DSE: variants seen among roughly 807,000 people sequenced by gnomAD.
DSE encodes dermatan-sulfate epimerase.
DSE carries 36 observed loss-of-function variants against 84.4 expected under a neutral mutation model. The ratio of observed to expected loss-of-function variants is 0.43; its 90% CI spans 0.33 to 0.56. The LOEUF is 0.56. Ranked by LOEUF, DSE falls within the 20% of genes least tolerant of loss-of-function variation. The pLI is 0.06. For synonymous variants in DSE, 410 were observed against 430.1 expected, an observed-to-expected ratio of 0.95 and a Z score of 0.58; for missense variants, 862 against 1,169.6, an observed-to-expected ratio of 0.74 and a Z score of 3.84.
chr6:116,284,447 C>T (rs1773741368), intron 2 of DSE, among the ~76,000 whole-genome samples: 2 of 152,068 alleles, frequency 1.3e-5, no homozygotes, highest in Admixed American at 6.6e-5. Flanking sequence ...ACCCATGATT[C>T]GAACCCAGAA....
At chr6:116,369,907 A>G, upstream of DSE, 2 of 1,289,340 alleles carry the variant, frequency 1.6e-6, no homozygotes, top group Non-Finnish European at 2.0e-6. Flanking sequence ...CCAGTAAAAT[A>G]TCTCTCATTC....
intron 2 of DSE, chr6:116,401,115 G>A (rs749766663): frequency 1.3e-5 from 2 of 152,076 alleles, no homozygotes; most frequent in African/African-American, 4.8e-5. Context: ...ATTTTTGATG[G>A]AGATTGTTTA....
chr6:116,279,409 G>A, intron 2 of DSE: 3 of 1,613,248 alleles, frequency 1.9e-6, no homozygotes, highest in Non-Finnish European at 2.5e-6. Flanking sequence ...CAGCTCAGAC[G>A]CGGATCTCTG....
intron 1 of DSE, among the ~76,000 whole-genome samples, chr6:116,389,716 T>G (rs1357926750): frequency 6.6e-6 from 1 of 152,244 alleles, no homozygotes; most frequent in Non-Finnish European, 1.5e-5. Flanking sequence ...CTATACTTTA[T>G]TTTTTAGTCA....
At chr6:116,409,122 G>A (rs2115018567) in intron 2 of DSE, among the ~76,000 whole-genome samples, 1 of 152,258 alleles carries the variant, frequency 6.6e-6, no homozygotes, top group African/African-American at 2.4e-5. Context: ...ATTAGTTAAT[G>A]AAACAGTACA....
intron 2 of DSE, among the ~76,000 whole-genome samples, chr6:116,327,129 GA>G (rs536761465): frequency 2.0e-5 from 3 of 152,142 alleles, no homozygotes; most frequent in African/African-American, 7.2e-5. Context: ...AGTAAAGAGA[GA>G]AAAAACAGGA....
chr6:116,304,270 T>C (rs937883890), intron 2 of DSE, among the ~76,000 whole-genome samples: 3 of 152,198 alleles, frequency 2.0e-5, no homozygotes, highest in African/African-American at 7.2e-5. Context: ...AAAATATTCA[T>C]TTAAAGGAAT....
upstream of DSE, chr6:116,366,263 T>C (rs1779160158): frequency 6.6e-6 from 1 of 152,210 alleles, no homozygotes; most frequent in Admixed American, 6.5e-5. Context: ...TTCAAAGTCC[T>C]TGCTCTTATT....
chr6:116,414,395 G>A (rs551285915), intron 2 of DSE, among the ~76,000 whole-genome samples: 1 of 148,970 alleles, frequency 6.7e-6, no homozygotes, highest in Admixed American at 6.8e-5. Context: ...TAATTTTAAT[G>A]AGTGGAATAT....
intron 2 of DSE, among the ~76,000 whole-genome samples, chr6:116,311,129 C>A (rs1310974726): frequency 6.6e-6 from 1 of 152,204 alleles, no homozygotes; most frequent in Non-Finnish European, 1.5e-5. Context: ...TCAAATGCCA[C>A]CTCTTCAAAG....
At chr6:116,281,001 C>A (rs1339054068) in intron 2 of DSE, among the ~76,000 whole-genome samples, 1 of 152,174 alleles carries the variant, frequency 6.6e-6, no homozygotes, top group Non-Finnish European at 1.5e-5. Context: ...GCCAAAGGGA[C>A]TTCGCAGATA....
intron 2 of DSE, among the ~76,000 whole-genome samples, chr6:116,275,380 A>T (rs6568926): frequency 0.33 from 50,969 of 152,200 alleles, 9,140 homozygotes; most frequent in East Asian, 0.65. Flanking sequence ...TAGGAATGGC[A>T]TTGCAAATCT....
chr6:116,408,624 C>T (rs1462668298), intron 2 of DSE, among the ~76,000 whole-genome samples: 3 of 152,114 alleles, frequency 2.0e-5, no homozygotes, highest in East Asian at 1.9e-4. Flanking sequence ...TGTCATCAGC[C>T]GTTTGTCTGT....
intron 1 of DSE, among the ~76,000 whole-genome samples, chr6:116,383,694 C>T (rs1049322287): frequency 6.6e-6 from 1 of 152,148 alleles, no homozygotes; most frequent in African/African-American, 2.4e-5. Context: ...ATTCATCTTC[C>T]TTACAGTCCT....
chr6:116,293,209 A>G (rs1358484039), intron 2 of DSE, among the ~76,000 whole-genome samples: 2 of 152,208 alleles, frequency 1.3e-5, no homozygotes, highest in Non-Finnish European at 2.9e-5. Context: ...TTAAAGCTGA[A>G]GCAAAAACAT....
chr6:116,370,984 G>T lies in DSE; in HGVS notation c.-191G>T. The T allele has an allele frequency of 1.0e-6, 1 of 985,650 alleles. No homozygotes were observed. The highest frequency in any genetic ancestry group is 1.2e-6 in the Non-Finnish European group (1 of 830,138). The allele number at this position is 985,650 out of a possible 1,614,324, so 61.1% of individuals were successfully genotyped here. A position where few individuals can be genotyped will look rare whatever the true frequency, so the allele number is the denominator to read the frequency against. On this transcript the variant is annotated 5_prime_UTR_variant, in exon 1 of 6. Coordinates refer to ENST00000644252, the MANE Select transcript of DSE (RefSeq NM_013352.4). ...CGAGGCTGCAGCAGCGCATCCCGGG[G>T]CATGGCGCGGCGGGGGCGCGGAGGG...
At chr6:116,256,284 C>A (rs1191000066) in intron 1 of DSE, 1 of 152,188 alleles carries the variant, frequency 6.6e-6, no homozygotes, top group Non-Finnish European at 1.5e-5. Context: ...AAACATCATA[C>A]AGTACATCTA....
At chr6:116,335,512 C>T (rs1173894919) in intron 2 of DSE, among the ~76,000 whole-genome samples, 1 of 152,072 alleles carries the variant, frequency 6.6e-6, no homozygotes, top group Non-Finnish European at 1.5e-5. Flanking sequence ...TACTTGTACC[C>T]CTAAACTTAA....
intron 2 of DSE, among the ~76,000 whole-genome samples, chr6:116,284,718 G>T (rs1012538759): frequency 7.6e-6 from 1 of 131,100 alleles, no homozygotes; most frequent in African/African-American, 3.0e-5. Flanking sequence ...CCCACCCTGT[G>T]TCCAAGTGTT....
Sources: gnomAD v4.1 joint callset for allele counts (sites outside exome capture counted in the v4.1 genomes callset) on GRCh38, gnomAD v4.1.1 for gene constraint, MANE v1.5 for transcripts, NCBI Gene and HGNC (gene_info 2026-07-23, HGNC 2026-07-21) for gene names.